The following SPAG16 variants were observed in gnomAD, a reference collection of about 807,000 sequenced individuals.
SPAG16 encodes sperm-associated antigen 16 protein.
SPAG16 carries 86 observed loss-of-function variants against 80.4 expected under a neutral mutation model. The ratio of observed to expected loss-of-function variants is 1.07; its 90% CI spans 0.90 to 1.28. The LOEUF is 1.28. SPAG16 is among the 50% of genes most tolerant of loss of function. The pLI, the probability that SPAG16 is intolerant of heterozygous loss-of-function variation, is 0.00. For missense variants in SPAG16, 870 were observed against 765.3 expected (o/e 1.14, Z -1.61); for synonymous variants, 294 against 265.9 (o/e 1.11, Z -1.03).
intron 13 of SPAG16, among the ~76,000 whole-genome samples, chr2:214,107,432 A>G (rs2053440541): frequency 6.6e-6 from 1 of 152,102 alleles, no homozygotes; most frequent in Admixed American, 6.6e-5. Context: ...CCCTTGTTCT[A>G]CAGAATTTGG....
At chr2:214,030,136 C>T (rs2048337816) in intron 13 of SPAG16, among the ~76,000 whole-genome samples, 1 of 152,068 alleles carries the variant, frequency 6.6e-6, no homozygotes, top group Non-Finnish European at 1.5e-5. Flanking sequence ...CTCTATTTCC[C>T]CCTTCCGCAG....
chr2:214,126,543 A>G (rs529066076), intron 14 of SPAG16, among the ~76,000 whole-genome samples: 1 of 151,904 alleles, frequency 6.6e-6, no homozygotes, highest in South Asian at 2.1e-4. Flanking sequence ...TATGTATATA[A>G]TGGAACTTCT....
At chr2:213,327,519 G>A (rs1465365306) in intron 5 of SPAG16, among the ~76,000 whole-genome samples, 3 of 152,036 alleles carry the variant, frequency 2.0e-5, no homozygotes, top group African/African-American at 4.8e-5. Flanking sequence ...GTGAATTGAT[G>A]CAATGCTGCA....
At chr2:213,887,915 G>C (rs975744037) in intron 11 of SPAG16, among the ~76,000 whole-genome samples, 6 of 151,576 alleles carry the variant, frequency 4.0e-5, no homozygotes, top group Admixed American at 3.9e-4. Flanking sequence ...AGTTACTTTT[G>C]CACCAACCTA....
intron 9 of SPAG16, among the ~76,000 whole-genome samples, chr2:213,471,090 G>T (rs1239722608): frequency 2.0e-5 from 3 of 152,164 alleles, no homozygotes; most frequent in South Asian, 2.1e-4. Context: ...GTCCTTCAGG[G>T]ATGTCCTAAA....
intron 10 of SPAG16, among the ~76,000 whole-genome samples, chr2:213,654,727 A>AG (rs1483707150): frequency 1.3e-5 from 2 of 151,622 alleles, no homozygotes; most frequent in Non-Finnish European, 2.9e-5. Context: ...AAAAAAAAAA[A>AG]TAAAGAAGAA....
intron 15 of SPAG16, among the ~76,000 whole-genome samples, chr2:214,306,995 G>T (rs10203574): frequency 1.8e-4 from 28 of 151,936 alleles, no homozygotes; most frequent in Non-Finnish European, 3.4e-4. Context: ...TAGAATTCAG[G>T]TGTGAATCCG....
intron 9 of SPAG16, among the ~76,000 whole-genome samples, chr2:213,478,226 A>G (rs2073533988): frequency 6.6e-6 from 1 of 152,202 alleles, no homozygotes; most frequent in African/African-American, 2.4e-5. Flanking sequence ...TAGCAGTGTG[A>G]GAATGGACTA....
At chr2:213,540,891 A>T (rs938114431) in intron 10 of SPAG16, among the ~76,000 whole-genome samples, 3 of 152,250 alleles carry the variant, frequency 2.0e-5, no homozygotes, top group Admixed American at 2.0e-4. Flanking sequence ...TTACATACAC[A>T]CACCAAAAGA....
intron 15 of SPAG16, among the ~76,000 whole-genome samples, chr2:214,211,332 G>T (rs1026499699): frequency 1.3e-5 from 2 of 152,086 alleles, no homozygotes. Context: ...TTTTAACATG[G>T]TTCTCAAATG....
intron 10 of SPAG16, among the ~76,000 whole-genome samples, chr2:213,642,817 T>G (rs2062643284): frequency 6.0e-3 from 1 of 168 alleles, no homozygotes; most frequent in Non-Finnish European, 0.011. Flanking sequence ...CGAGACTCTG[T>G]CTCAAAAAAA....
At chr2:213,285,792 A>G in intron 1 of SPAG16, 2 of 706,926 alleles carry the variant, frequency 2.8e-6, no homozygotes, top group Admixed American at 2.9e-5. Context: ...CTTTAGTGTC[A>G]TAAATGAGGT....
intron 9 of SPAG16, among the ~76,000 whole-genome samples, chr2:213,436,460 A>G (rs1334225452): frequency 6.6e-6 from 1 of 152,218 alleles, no homozygotes; most frequent in Admixed American, 6.5e-5. Context: ...CACAATTAAC[A>G]CAAATAAAAC....
chr2:213,288,645 CTT>C (rs74889309), intron 1 of SPAG16, among the ~76,000 whole-genome samples: 1 of 145,410 alleles, frequency 6.9e-6, no homozygotes. Context: ...TGGTTTTTAA[CTT>C]TTTTTTTTTT....
At chr2:213,864,935 T>A (rs2075627701) in intron 11 of SPAG16, among the ~76,000 whole-genome samples, 1 of 151,828 alleles carries the variant, frequency 6.6e-6, no homozygotes, top group Admixed American at 6.6e-5. Flanking sequence ...GGTAAAAAAA[T>A]AAACTGAGGG....
chr2:213,638,573 G>T (rs2062459659), intron 10 of SPAG16, among the ~76,000 whole-genome samples: 1 of 152,048 alleles, frequency 6.6e-6, no homozygotes, highest in South Asian at 2.1e-4. Flanking sequence ...TTTTGGAGTT[G>T]ATTTCCAATT....
At chr2:213,615,622 C>A (rs6716478) in intron 10 of SPAG16, among the ~76,000 whole-genome samples, 65,588 of 151,714 alleles carry the variant, frequency 0.43, 15,030 homozygotes, top group African/African-American at 0.57. Flanking sequence ...TTAAAAAAAA[C>A]CCAAAAAACT....
At chr2:214,047,142 T>G (rs1364913535) in intron 13 of SPAG16, among the ~76,000 whole-genome samples, 2 of 152,114 alleles carry the variant, frequency 1.3e-5, no homozygotes, top group Non-Finnish European at 2.9e-5. Context: ...GCAATCTTTA[T>G]AAAAATACCA....
At chr2:213,871,120 A>G (rs904712758) in intron 11 of SPAG16, among the ~76,000 whole-genome samples, 1 of 152,162 alleles carries the variant, frequency 6.6e-6, no homozygotes, top group African/African-American at 2.4e-5. Flanking sequence ...AGAAGAACCT[A>G]CAACCTAGTA....
Sources: gnomAD v4.1 joint callset for allele counts (sites outside exome capture counted in the v4.1 genomes callset) on GRCh38, gnomAD v4.1.1 for gene constraint, MANE v1.5 for transcripts, NCBI Gene and HGNC (gene_info 2026-07-23, HGNC 2026-07-21) for gene names.